TRPM5: variants seen among roughly 807,000 people sequenced by gnomAD.
TRPM5 encodes MLSN1 and TRP-related.
A neutral mutation model predicts 124.9 loss-of-function variants in TRPM5; 121 were observed. The ratio of observed to expected loss-of-function variants is 0.97; its 90% CI spans 0.84 to 1.13. TRPM5 has a LOEUF of 1.13. Ranked by LOEUF, TRPM5 falls within the 50% of genes most tolerant of loss-of-function variation. The pLI is 0.00. For missense variants in TRPM5, 1,643 were observed against 1,589.1 expected (o/e 1.03, Z -0.58); for synonymous variants, 781 against 700.5 (o/e 1.11, Z -1.81).
exon 22 of TRPM5, chr11:2,406,047 T>C: frequency 6.2e-7 from 1 of 1,612,418 alleles, no homozygotes; most frequent in South Asian, 1.1e-5. Flanking sequence ...GATGCGCTTT[T>C]CTTGCTCTCT....
the TRPM5 span, among the ~76,000 whole-genome samples, chr11:2,432,308 C>A: frequency 6.6e-6 from 1 of 152,250 alleles, no homozygotes. Flanking sequence ...TGGCCCCGGG[C>A]AGGCTTTACG....
chr11:2,432,285 T>C, the TRPM5 span, among the ~76,000 whole-genome samples: 249 of 152,340 alleles, frequency 1.6e-3, no homozygotes, highest in African/African-American at 5.5e-3. Flanking sequence ...GCCTCTGTCT[T>C]CTTTGCTACA....
the TRPM5 span, among the ~76,000 whole-genome samples, chr11:2,432,836 G>T: frequency 6.6e-6 from 1 of 152,216 alleles, no homozygotes; most frequent in Non-Finnish European, 1.5e-5. Context: ...AAGCAGCCCG[G>T]AGCCCCTCAG....
At chr11:2,435,480 C>T in the TRPM5 span, among the ~76,000 whole-genome samples, 1 of 151,786 alleles carries the variant, frequency 6.6e-6, no homozygotes, top group African/African-American at 2.4e-5. This position sits in a 1 kb window ranked among gnomAD's most constrained non-coding sequence, Gnocchi z 4.1. Context: ...CACCCATGCA[C>T]CCATGGCAAT....
downstream of TRPM5, chr11:2,404,391 C>T (rs1364549354): frequency 6.5e-6 from 1 of 153,572 alleles, no homozygotes; most frequent in African/African-American, 2.4e-5. Context: ...CTGTACTGGC[C>T]ATCGGGTGTC....
the TRPM5 span, among the ~76,000 whole-genome samples, chr11:2,428,758 G>A: frequency 6.6e-6 from 1 of 151,782 alleles, no homozygotes; most frequent in Non-Finnish European, 1.5e-5. The surrounding 1 kb of genome is among the most constrained non-coding windows in gnomAD (Gnocchi z 4.0). Flanking sequence ...GCTGATAAAG[G>A]TGGTGATGAT....
chr11:2,429,831 G>A, the TRPM5 span, among the ~76,000 whole-genome samples: 3 of 152,042 alleles, frequency 2.0e-5, no homozygotes, highest in African/African-American at 7.3e-5. This position sits in a 1 kb window ranked among gnomAD's most constrained non-coding sequence, Gnocchi z 8.4. Context: ...TCAAAGGCGG[G>A]ACCAGGTGGA....
chr11:2,412,835 C>T (rs367714046), exon 15 of TRPM5: 19 of 1,603,140 alleles, frequency 1.2e-5, no homozygotes, highest in African/African-American at 9.4e-5. Context: ...GGGGGGGCGG[C>T]CTGAAGTCCA....
rs774871650 is a variant in TRPM5, at chr11:2,405,982, C to T, written c.3324+37G>A. 7.6e-6 allele frequency: 12 copies of T among 1,575,240 alleles called. No individual in the cohort carries two copies. In the Admixed American group the frequency reaches 1.3e-4, roughly 18 times the overall value. ...CCCAGTAGCCCCACGCAGCCACCCG[C>T]CTCCCATCAGGGAGAGGAGCTCTGG... On this transcript the variant is annotated intron_variant, in intron 22 of 23. Coordinates refer to ENST00000155858, the Ensembl canonical transcript of TRPM5.
chr11:2,422,020 A>C, intron 2 of TRPM5, 121 bp downstream of exon 7: 1 of 949,488 alleles, frequency 1.1e-6, no homozygotes, highest in Non-Finnish European at 1.4e-6. Context: ...GTGGGGGGAC[A>C]GTCAGGGGGT....
At chr11:2,415,586 G>A (rs1845653625) in intron 8 of TRPM5, 115 bp from the exon 14 acceptor site, 3 of 747,478 alleles carry the variant, frequency 4.0e-6, no homozygotes, top group Non-Finnish European at 6.4e-6. Context: ...CCAGGGCCAG[G>A]TCACGCAGAC....
At chr11:2,435,585 A>G in the TRPM5 span, among the ~76,000 whole-genome samples, 3 of 117,932 alleles carry the variant, frequency 2.5e-5, no homozygotes, top group Non-Finnish European at 5.6e-5. The surrounding 1 kb of genome is among the most constrained non-coding windows in gnomAD (Gnocchi z 4.1). Context: ...CTGTCTGTCC[A>G]TCCATCCATC....
intron 4 of TRPM5, 23 bp downstream of exon 9, chr11:2,420,199 T>A: frequency 1.3e-6 from 2 of 1,570,932 alleles, no homozygotes; most frequent in Non-Finnish European, 1.7e-6. Context: ...AAGGCTTCCC[T>A]GGGTGGCTGG....
the TRPM5 span, among the ~76,000 whole-genome samples, chr11:2,441,810 C>G: frequency 6.6e-6 from 1 of 152,130 alleles, no homozygotes; most frequent in South Asian, 2.1e-4. This position sits in a 1 kb window ranked among gnomAD's most constrained non-coding sequence, Gnocchi z 7.2. Context: ...CTGCCTCAGC[C>G]TCCTGAGTAG....
chr11:2,423,180 C>T (rs1031229581), upstream of TRPM5: 42 of 663,534 alleles, frequency 6.3e-5, no homozygotes, highest in Non-Finnish European at 7.7e-5. Flanking sequence ...CTGGGGACTG[C>T]CCCCAGGCAT....
the TRPM5 span, among the ~76,000 whole-genome samples, chr11:2,443,205 C>T: frequency 6.6e-6 from 1 of 152,200 alleles, no homozygotes; most frequent in African/African-American, 2.4e-5. This position sits in a 1 kb window ranked among gnomAD's most constrained non-coding sequence, Gnocchi z 5.0. Context: ...GAGATTTATT[C>T]TCGTGTGCGG....
intron 20 of TRPM5, 152 bp from the exon 26 acceptor site, chr11:2,406,945 G>C: frequency 2.9e-6 from 4 of 1,359,924 alleles, no homozygotes; most frequent in Non-Finnish European, 3.9e-6. Context: ...TGCAAGGACG[G>C]CCAAGCTGCG....
chr11:2,405,654 C>G, intron 22 of TRPM5, 61 bp from the exon 28 acceptor site: 1 of 1,515,418 alleles, frequency 6.6e-7, no homozygotes, highest in Non-Finnish European at 9.0e-7. Context: ...AGGGGACAGG[C>G]AGCCTCCCCA....
At chr11:2,418,582 C>A in exon 5 of TRPM5, 1 of 1,611,168 alleles carries the variant, frequency 6.2e-7, no homozygotes, top group African/African-American at 1.3e-5. Context: ...GATCTCGATG[C>A]TGCCAGTGCC....
Sources: gnomAD v4.1 joint callset for allele counts (sites outside exome capture counted in the v4.1 genomes callset) on GRCh38, gnomAD v4.1.1 for gene constraint, Gnocchi (gnomAD v3.1) non-coding constraint, MANE v1.5 for transcripts, NCBI Gene and HGNC (gene_info 2026-07-23, HGNC 2026-07-21) for gene names.